Variants in NOLC1 observed in about 807,000 individuals in gnomAD.
The protein encoded by NOLC1 is 140 kDa nucleolar phosphoprotein.
NOLC1 carries 37 observed loss-of-function variants against 73.4 expected under a neutral mutation model. That is an observed-to-expected ratio of 0.50 (90% confidence interval 0.39 to 0.66). The LOEUF is 0.66. NOLC1 is among the 30% of genes least tolerant of loss of function. The pLI is 0.00. For missense variants in NOLC1, 921 were observed against 838.9 expected (o/e 1.10, Z -1.21); for synonymous variants, 327 against 302.6 (o/e 1.08, Z -0.84).
At chr10:102,159,713 G>C in intron 7 of NOLC1, 145 bp downstream of exon 7, 1 of 1,116,898 alleles carries the variant, frequency 9.0e-7, no homozygotes, top group South Asian at 1.6e-5. Flanking sequence ...GGAAAGCAAG[G>C]AGAAATCTCC....
In NOLC1 at chr10:102,162,381, T is replaced by TTAGA. The variant is rs1160858453; in HGVS notation, c.*113_*116dup. ...TGAGGGTCTTGATGAGGACAGAAGT[T>TTAGA]TAGAGTAGGTCCTAAGACTTTACAG... On this transcript the variant is annotated 3_prime_UTR_variant, in exon 13 of 13. Transcript: ENST00000605788. 19 of 1,133,212 alleles carry TTAGA rather than the reference T, an allele frequency of 1.7e-5. No homozygotes were observed. The East Asian group carries it at 4.5e-4, about 27-fold the overall frequency. The allele number at this position is 1,133,212 out of a possible 1,614,324, so 70.2% of individuals were successfully genotyped here.
At position 102,161,861 on chromosome 10, in the gene NOLC1, G is replaced by C. The variant is rs554186651; in HGVS notation, c.1877G>C (p.Arg626Pro). The change falls in exon 12 of 13, where the codon CGA becomes CCA. Residue 626 changes from arginine (R) to proline (P), a missense_variant. Coordinates refer to ENST00000605788, the MANE Select transcript of NOLC1 (RefSeq NM_004741.5). ...KGEKRASSPF[R>P]RVREEEIEVD... is the part of the protein sequence containing the mutation. ...GAAAAAAGGGCATCATCCCCATTCC[G>C]AAGGGTCAGGGAGGAGGAAATTGAG... The C allele has an allele frequency of 6.2e-7, 1 of 1,613,968 alleles. No individual in the cohort carries two copies. Among genetic ancestry groups the C allele is most frequent in the South Asian group, 1.1e-5 (1 of 91,086 alleles).
chr10:102,162,787 G>A lies in NOLC1; in HGVS notation c.*518G>A, dbSNP rs1331972808. The A allele has an allele frequency of 1.3e-5, 2 of 152,598 alleles. No homozygotes were observed. Among genetic ancestry groups the A allele is most frequent in the Non-Finnish European group, 2.9e-5 (2 of 68,320 alleles). 9.5% of individuals were successfully genotyped at this position (152,598 alleles called of 1,614,324 possible). A position where few individuals can be genotyped will look rare whatever the true frequency, so the allele number is the denominator to read the frequency against. On this transcript the variant is annotated 3_prime_UTR_variant, in exon 13 of 13. Coordinates refer to ENST00000605788, the MANE Select transcript of NOLC1 (RefSeq NM_004741.5). ...AGAGGGGCATTAAAGAATTGTTGAT[G>A]TATATGCAATGTCTGTTAAGCATGC...
intron 10 of NOLC1, 152 bp from the exon 11 acceptor site, chr10:102,161,404 T>G (rs1402503848): frequency 1.5e-6 from 1 of 651,704 alleles, no homozygotes; most frequent in Non-Finnish European, 2.6e-6. Context: ...CTCATTTTTT[T>G]AACTTTTTAT....
intron 9 of NOLC1, 50 bp from the exon 10 acceptor site, chr10:102,160,402 C>T (rs1317783760): frequency 6.2e-7 from 1 of 1,612,588 alleles, no homozygotes; most frequent in Non-Finnish European, 8.5e-7. Context: ...GCTAAGGGCT[C>T]CCCTGAATCC....
At position 102,153,918 on chromosome 10, in the gene NOLC1, T is replaced by C. The variant is rs539112532; in HGVS notation, c.120+1388T>C. 6.0e-5 allele frequency among the ~76,000 whole-genome samples: 9 copies of C among 150,064 alleles called. No individual in the cohort carries two copies. In the South Asian group the frequency reaches 1.1e-3, roughly 18 times the overall value. ...GAACTCCTGACCTCAAGAAATCCAC[T>C]TGCCTCAGCCTCTCAAAGTGCTGGG... On this transcript the variant is annotated intron_variant, in intron 1 of 12. Coordinates refer to ENST00000605788, the MANE Select transcript of NOLC1 (RefSeq NM_004741.5).
At chr10:102,153,741 C>G (rs1471539237) in intron 1 of NOLC1, among the ~76,000 whole-genome samples, 1 of 143,748 alleles carries the variant, frequency 7.0e-6, no homozygotes, top group Non-Finnish European at 1.5e-5. Flanking sequence ...GGTGCGATCT[C>G]GGCTCATTGT....
At chr10:102,158,025 C>G (rs762964624) in intron 4 of NOLC1, 24 bp from the exon 5 acceptor site, 4 of 1,601,842 alleles carry the variant, frequency 2.5e-6, no homozygotes, top group Admixed American at 1.7e-5. Context: ...TTGCTGATTT[C>G]TCTCCTTGTG....
intron 10 of NOLC1, 31 bp from the exon 11 acceptor site, chr10:102,161,525 C>A: frequency 6.4e-7 from 1 of 1,560,812 alleles, no homozygotes; most frequent in Non-Finnish European, 8.8e-7. Context: ...AGCCACTGTA[C>A]TCGGCCTGAG....
rs2069681962 is a variant in NOLC1, at chr10:102,160,446, G to A, written c.1100-6G>A. ...GAGCTGTTGATTCCATCCCTTCTGT[G>A]TCTAGACTCTGACAGCTCTGAGGAT... On this transcript the variant is annotated splice_region_variant and splice_polypyrimidine_tract_variant and intron_variant, in intron 9 of 12. Coordinates refer to ENST00000605788, the MANE Select transcript of NOLC1 (RefSeq NM_004741.5). 3.7e-6 allele frequency: 6 copies of A among 1,612,818 alleles called. No homozygotes were observed. Among genetic ancestry groups the A allele is most frequent in the Middle Eastern group, 1.6e-4 (1 of 6,072 alleles).
In NOLC1 at chr10:102,158,029, C is replaced by T. The variant is rs1234610464; in HGVS notation, c.442-20C>T. On this transcript the variant is annotated intron_variant, in intron 4 of 12. Coordinates refer to ENST00000605788, the MANE Select transcript of NOLC1 (RefSeq NM_004741.5). ...CCCGGAAGCTTTTGCTGATTTCTCTCCTTGTGTCTTTTCTAACAGAAGGGA... is the reference window on the plus strand; with the variant it reads ...CCCGGAAGCTTTTGCTGATTTCTCTTCTTGTGTCTTTTCTAACAGAAGGGA... 16 of 1,609,632 alleles carry T rather than the reference C, an allele frequency of 9.9e-6. No individual in the cohort carries two copies. Among genetic ancestry groups the T allele is most frequent in the African/African-American group, 1.3e-5 (1 of 74,618 alleles).
Position 102,158,062 on chromosome 10 carries a change from C to G in NOLC1, c.455C>G (p.Pro152Arg), listed in dbSNP as rs1333465062. 2 of 1,613,706 alleles carry G rather than the reference C, an allele frequency of 1.2e-6. No homozygotes were observed. Among genetic ancestry groups the G allele is most frequent in the Non-Finnish European group, 1.7e-6 (2 of 1,179,836 alleles). ...KKQPVQKGVK[P>R]QAKAAKAPPK... is the part of the protein sequence containing the mutation. ...CTTTTCTAACAGAAGGGAGTTAAGCCCCAAGCCAAGGCAGCCAAAGCTCCT... is the reference window on the plus strand; with the variant it reads ...CTTTTCTAACAGAAGGGAGTTAAGCGCCAAGCCAAGGCAGCCAAAGCTCCT... The change falls in exon 5 of 13, where the codon CCC becomes CGC. Residue 152 changes from proline to arginine, a missense_variant. Transcript: ENST00000605788.
chr10:102,161,480 C>A (rs917212568), intron 10 of NOLC1, 76 bp from the exon 11 acceptor site: 12 of 1,057,590 alleles, frequency 1.1e-5, no homozygotes, highest in Non-Finnish European at 1.6e-5. Context: ...GATCCTCCTA[C>A]CTTGGACTCC....
intron 5 of NOLC1, 22 bp downstream of exon 5, chr10:102,158,236 G>A (rs745479221): frequency 6.2e-7 from 1 of 1,610,578 alleles, no homozygotes; most frequent in Non-Finnish European, 8.5e-7. Context: ...GTTCCCAAGA[G>A]GCTGGGCTGG....
At chr10:102,159,409 T>A in intron 6 of NOLC1, 24 bp from the exon 7 acceptor site, 4 of 1,613,848 alleles carry the variant, frequency 2.5e-6, no homozygotes, top group Non-Finnish European at 3.4e-6. Flanking sequence ...TTTCCTGTGG[T>A]AATCAATTTT....
intron 1 of NOLC1, 75 bp from the exon 2 acceptor site, chr10:102,156,944 A>C: frequency 7.3e-7 from 1 of 1,361,224 alleles, no homozygotes; most frequent in South Asian, 1.2e-5. Flanking sequence ...GTAATTATGT[A>C]TGTAACAGGC....
Position 102,162,181 on chromosome 10 carries a change from G to A in NOLC1, c.2012G>A (p.Arg671Gln), listed in dbSNP as rs766911295. ...AAGTTCACCAAAGGCAAGTCCTTTCGGCATGAGAAAACCAAGAAGAAGCGG... is the reference window on the plus strand; with the variant it reads ...AAGTTCACCAAAGGCAAGTCCTTTCAGCATGAGAAAACCAAGAAGAAGCGG... ...VLKFTKGKSF[R>Q]HEKTKKKRGS... is the part of the protein sequence containing the mutation. Residue 671 changes from arginine (R) to glutamine (Q), a missense_variant, in exon 13 of 13, where the codon CGG becomes CAG. Coordinates refer to ENST00000605788, the MANE Select transcript of NOLC1 (RefSeq NM_004741.5). 3.0e-5 allele frequency: 48 copies of A among 1,613,984 alleles called. No homozygotes were observed. The highest frequency in any genetic ancestry group is 1.2e-4 in the Admixed American group (7 of 59,982).
intron 1 of NOLC1, 114 bp downstream of exon 1, chr10:102,152,644 C>A: frequency 6.8e-7 from 1 of 1,472,076 alleles, no homozygotes; most frequent in Admixed American, 2.0e-5. Flanking sequence ...CCAGTGTCTG[C>A]AAGGCCTTTA....
chr10:102,161,107 G>A lies in NOLC1; in HGVS notation c.1741+14G>A, dbSNP rs1310721739. ...TTTCCAAATCAGGTCTGTACCCAATGAACATGCCCTCTGGGTTTTGTCCCC... is the reference window on the plus strand; with the variant it reads ...TTTCCAAATCAGGTCTGTACCCAATAAACATGCCCTCTGGGTTTTGTCCCC... On this transcript the variant is annotated intron_variant, in intron 10 of 12. Coordinates refer to ENST00000605788, the MANE Select transcript of NOLC1 (RefSeq NM_004741.5). The A allele has an allele frequency of 1.3e-6, 2 of 1,583,124 alleles. No homozygotes were observed. The highest frequency in any genetic ancestry group is 2.2e-5 in the East Asian group (1 of 44,722).
Sources: allele counts gnomAD v4.1 joint callset (sites outside exome capture counted in the v4.1 genomes callset), GRCh38; gene constraint gnomAD v4.1.1; transcripts MANE v1.5; gene names NCBI Gene and HGNC (gene_info 2026-07-23, HGNC 2026-07-21).